GPER1: variants seen among roughly 807,000 people sequenced by gnomAD.
GPER1 encodes G protein-coupled estrogen receptor 1.
GPER1 carries 2 observed loss-of-function variants against 0.6 expected under a neutral mutation model. That is an observed-to-expected ratio of 3.41 (90% confidence interval 1.39 to 10.72). The LOEUF is 10.72. Ranked by LOEUF, GPER1 falls within the 30% of genes most tolerant of loss-of-function variation. The pLI, the probability that GPER1 is intolerant of heterozygous loss-of-function variation, is 0.04. For synonymous variants in GPER1, 263 were observed against 247.6 expected (o/e 1.06, Z -0.58); for missense variants, 441 against 535.2 (o/e 0.82, Z 1.74).
chr7:1,093,141 C>T lies in GPER1; in HGVS notation c.*285C>T, dbSNP rs565822980. 3.1e-5 allele frequency: 19 copies of T among 621,038 alleles called. No individual in the cohort carries two copies. Among genetic ancestry groups the T allele is most frequent in the South Asian group, 2.0e-4 (13 of 65,940 alleles). The allele number at this position is 621,038 out of a possible 1,614,324, so 38.5% of individuals were successfully genotyped here. A position where few individuals can be genotyped will look rare whatever the true frequency, so the allele number is the denominator to read the frequency against. Reference sequence around the variant, plus strand: ...ACCAGCCTGTCACCCAGCTCCTCCCCGCCAACCCTGCCTGCCGCTGCACCT... The same window carrying T: ...ACCAGCCTGTCACCCAGCTCCTCCCTGCCAACCCTGCCTGCCGCTGCACCT... On this transcript the variant is annotated 3_prime_UTR_variant, in exon 2 of 2. Coordinates refer to ENST00000397088, the MANE Select transcript of GPER1 (RefSeq NM_001098201.3).
chr7:1,087,259 T>C (rs1787477024), upstream of GPER1: 1 of 152,216 alleles, frequency 6.6e-6, no homozygotes, highest in African/African-American at 2.4e-5. Context: ...GTTCCGACGC[T>C]TCTGCAGCGA....
In GPER1 at chr7:1,091,533, T is replaced by G. The variant is rs779477770; in HGVS notation, c.-196T>G. The stretch of plus-strand genomic sequence containing the variant: ...ATGCACCATGCCGGTGTGAGGAGCA[T>G]CTGTTCTTCCCACTCTCTGCAGTTA... On this transcript the variant is annotated 5_prime_UTR_variant, in exon 2 of 2. Transcript: ENST00000397088. 3 of 567,438 alleles carry G rather than the reference T, an allele frequency of 5.3e-6. No homozygotes were observed. The highest frequency in any genetic ancestry group is 9.4e-6 in the Non-Finnish European group (3 of 319,164). The allele number at this position is 567,438 out of a possible 1,614,324, so 35.2% of individuals were successfully genotyped here.
Position 1,092,832 on chromosome 7 carries a change from T to A in GPER1, c.1104T>A (p.Asp368Glu), listed in dbSNP as rs147941530. ...TTCCAGACAGCACCGAGCAGTCGGA[T>A]GTGAGGTTCAGCAGTGCCGTGTAGA... ...AVIPDSTEQS[D>E]VRFSSAV The change falls in exon 2 of 2, where the codon GAT becomes GAA. Residue 368 changes from aspartate to glutamate, a missense_variant. Transcript: ENST00000397088. 3.0e-5 allele frequency: 49 copies of A among 1,612,934 alleles called. No homozygotes were observed. In the African/African-American group the frequency reaches 6.5e-4, roughly 22 times the overall value.
rs1788061497 is a variant in GPER1, at chr7:1,092,194, T to C, written c.466T>C (p.Tyr156His). 1 of 1,613,242 alleles carries C rather than the reference T, an allele frequency of 6.2e-7. No homozygotes were observed. The highest frequency in any genetic ancestry group is 2.2e-5 in the East Asian group (1 of 44,872). The change falls in exon 2 of 2, where the codon TAC (tyrosine) becomes CAC (histidine). Residue 156 changes from tyrosine to histidine, a missense_variant. Transcript: ENST00000397088. Reference protein sequence around the residue: ...FFLTWMSFDRYIALARAMRCS... With the variant: ...FFLTWMSFDRHIALARAMRCS... ...CCTCACCTGGATGAGCTTCGACCGC[T>C]ACATCGCCCTGGCCAGGGCCATGCG... is the stretch of plus-strand genomic sequence containing the variant.
At chr7:1,089,992 G>C (rs989403218) in intron 1 of GPER1, among the ~76,000 whole-genome samples, 2 of 151,574 alleles carry the variant, frequency 1.3e-5, no homozygotes, top group African/African-American at 4.9e-5. Context: ...GCTGAGGCAG[G>C]AGAACCACTC....
rs1367982104 is a variant in GPER1 at position 1,091,561 on chromosome 7, A to AAACCC, written c.-160_-156dup. 3 of 634,602 alleles carry AAACCC rather than the reference A, an allele frequency of 4.7e-6. No homozygotes were observed. The Admixed American group carries it at 8.8e-5, about 19-fold the overall frequency. 39.3% of individuals were successfully genotyped at this position (634,602 alleles called of 1,614,324 possible). A position where few individuals can be genotyped will look rare whatever the true frequency, so the allele number is the denominator to read the frequency against. On this transcript the variant is annotated 5_prime_UTR_variant, in exon 2 of 2. An upstream open reading frame in the 5' UTR loses its in-frame stop. Transcript: ENST00000397088. ...GTTCTTCCCACTCTCTGCAGTTAAC[A>AAACCC]AACCCAACCCAAACCACCACAGGTG...
At chr7:1,089,192 CAG>C (rs1787685783) in intron 1 of GPER1, among the ~76,000 whole-genome samples, 1 of 152,196 alleles carries the variant, frequency 6.6e-6, no homozygotes, top group Non-Finnish European at 1.5e-5. Context: ...ACCTTCCCGA[CAG>C]AGCCTGAGAG....
chr7:1,093,214 A>AC lies in GPER1; in HGVS notation c.*359dup, dbSNP rs1426130905. 1.0e-5 allele frequency: 5 copies of AC among 502,092 alleles called. No individual in the cohort carries two copies. The highest frequency in any genetic ancestry group is 2.0e-5 in the Non-Finnish European group (5 of 247,896). The allele number at this position is 502,092 out of a possible 1,614,324, so 31.1% of individuals were successfully genotyped here. A position where few individuals can be genotyped will look rare whatever the true frequency, so the allele number is the denominator to read the frequency against. ...TCTGACACCGTCGACCAGGAAAGCC[A>AC]CACGGAGAGGCCACTGTGGGTGAAG... On this transcript the variant is annotated 3_prime_UTR_variant, in exon 2 of 2. Coordinates refer to ENST00000397088, the MANE Select transcript of GPER1 (RefSeq NM_001098201.3).
In GPER1 at chr7:1,092,292, C is replaced by T; in HGVS notation, c.564C>T (p.Ala188=). 6.2e-7 allele frequency: 1 copy of T among 1,611,838 alleles called. No homozygotes were observed. The highest frequency in any genetic ancestry group is 1.3e-5 in the African/African-American group (1 of 75,060). ...TCATCTGGATGGCATCCGTGTCAGC[C>T]ACGCTGGTGCCCTTCACCGCCGTGC... ...CGLIWMASVS[A]TLVPFTAVHL... Residue 188 remains alanine, a synonymous_variant, in exon 2 of 2, where the codon GCC becomes GCT. Transcript: ENST00000397088.
Position 1,091,690 on chromosome 7 carries a change from G to C in GPER1, c.-39G>C. ...CACCATTTAAAACAGAGCTCTGGGA[G>C]CCTTTCGGCAAATCTTGAAAGCTGC... is the stretch of plus-strand genomic sequence containing the variant. On this transcript the variant is annotated 5_prime_UTR_variant, in exon 2 of 2. Coordinates refer to ENST00000397088, the MANE Select transcript of GPER1 (RefSeq NM_001098201.3). 1 of 1,413,396 alleles carries C rather than the reference G, an allele frequency of 7.1e-7. No individual in the cohort carries two copies. Among genetic ancestry groups the C allele is most frequent in the Non-Finnish European group, 9.6e-7 (1 of 1,040,868 alleles). 87.6% of individuals were successfully genotyped at this position (1,413,396 alleles called of 1,614,324 possible).
Position 1,093,076 on chromosome 7 carries a change from C to G in GPER1, c.*220C>G. ...ACTCCTCACACAGAATTGCTACAAT[C>G]CCAAAGCGCTCGCCCCGCAGGGTCC... On this transcript the variant is annotated 3_prime_UTR_variant, in exon 2 of 2. Transcript: ENST00000397088. 1.4e-6 allele frequency: 1 copy of G among 698,982 alleles called. No individual in the cohort carries two copies. The highest frequency in any genetic ancestry group is 1.5e-5 in the South Asian group (1 of 66,658). 43.3% of individuals were successfully genotyped at this position (698,982 alleles called of 1,614,324 possible).
In GPER1 at chr7:1,091,870, G is replaced by A. The variant is rs1173886464; in HGVS notation, c.142G>A (p.Glu48Lys). 5.0e-6 allele frequency: 8 copies of A among 1,613,500 alleles called. No homozygotes were observed. Among genetic ancestry groups the A allele is most frequent in the Non-Finnish European group, 5.9e-6 (7 of 1,179,660 alleles). The change falls in exon 2 of 2, where the codon GAG (glutamate) becomes AAG (lysine). Residue 48 changes from glutamate (E) to lysine (K), a missense_variant. Transcript: ENST00000397088. ...CACCGCCCTGGCCAATGGGACAGGT[G>A]AGCTCTCGGAGCACCAGCAGTACGT... ...LGTALANGTGELSEHQQYVIG... is the reference protein window; with the variant it reads ...LGTALANGTGKLSEHQQYVIG...
At position 1,093,391 on chromosome 7, in the gene GPER1, G is replaced by GT. The variant is rs1788230160; in HGVS notation, c.*535_*536insT. Reference sequence around the variant, plus strand: ...AGCTAGCGCACCGCCGAGTTAAAGAGGAGAAGGAAAACATGCTGCTCTGGT... The same window carrying GT: ...AGCTAGCGCACCGCCGAGTTAAAGAGTGAGAAGGAAAACATGCTGCTCTGGT... On this transcript the variant is annotated 3_prime_UTR_variant, in exon 2 of 2. Transcript: ENST00000397088. 1 of 447,646 alleles carries GT rather than the reference G, an allele frequency of 2.2e-6. No homozygotes were observed. The highest frequency in any genetic ancestry group is 2.0e-5 in the African/African-American group (1 of 49,532). 27.7% of individuals were successfully genotyped at this position (447,646 alleles called of 1,614,324 possible).
In GPER1 at chr7:1,091,600, G is replaced by C. The variant is rs1357141674; in HGVS notation, c.-129G>C. 3.8e-6 allele frequency: 3 copies of C among 785,328 alleles called. No individual in the cohort carries two copies. The highest frequency in any genetic ancestry group is 3.5e-5 in the African/African-American group (2 of 57,904). The allele number at this position is 785,328 out of a possible 1,614,324, so 48.6% of individuals were successfully genotyped here. A position where few individuals can be genotyped will look rare whatever the true frequency, so the allele number is the denominator to read the frequency against. Reference sequence around the variant, plus strand: ...CCACCACAGGTGCTCCTCCTGGGGAGTTTCCTGTCTGACAAATGCCAGGCT... The same window carrying C: ...CCACCACAGGTGCTCCTCCTGGGGACTTTCCTGTCTGACAAATGCCAGGCT... On this transcript the variant is annotated 5_prime_UTR_variant, in exon 2 of 2. Transcript: ENST00000397088.
intron 1 of GPER1, 98 bp from the exon 2 acceptor site, chr7:1,091,309 A>G (rs1583786176): frequency 6.0e-6 from 1 of 165,446 alleles, no homozygotes. Flanking sequence ...TGCTCCTGAC[A>G]CACCCAGACT....
At position 1,093,054 on chromosome 7, in the gene GPER1, C is replaced by T. The variant is rs1368328948; in HGVS notation, c.*198C>T. 3 of 711,378 alleles carry T rather than the reference C, an allele frequency of 4.2e-6. No homozygotes were observed. The Admixed American group carries it at 6.0e-5, about 14-fold the overall frequency. The allele number at this position is 711,378 out of a possible 1,614,324, so 44.1% of individuals were successfully genotyped here. A position where few individuals can be genotyped will look rare whatever the true frequency, so the allele number is the denominator to read the frequency against. On this transcript the variant is annotated 3_prime_UTR_variant, in exon 2 of 2. Coordinates refer to ENST00000397088, the MANE Select transcript of GPER1 (RefSeq NM_001098201.3). ...ACCTCACGACTGGTCACCTTGCACT[C>T]CTCACACAGAATTGCTACAATCCCA...
At position 1,092,303 on chromosome 7, in the gene GPER1, C is replaced by T; in HGVS notation, c.575C>T (p.Pro192Leu). 6.2e-7 allele frequency: 1 copy of T among 1,611,692 alleles called. No individual in the cohort carries two copies. Among genetic ancestry groups the T allele is most frequent in the East Asian group, 2.2e-5 (1 of 44,868 alleles). Reference sequence around the variant, plus strand: ...GCATCCGTGTCAGCCACGCTGGTGCCCTTCACCGCCGTGCACCTGCAGCAC... The same window carrying T: ...GCATCCGTGTCAGCCACGCTGGTGCTCTTCACCGCCGTGCACCTGCAGCAC... Reference protein sequence around the residue: ...WMASVSATLVPFTAVHLQHTD... With the variant: ...WMASVSATLVLFTAVHLQHTD... Residue 192 changes from proline (P) to leucine (L), a missense_variant, in exon 2 of 2, where the codon CCC becomes CTC. Coordinates refer to ENST00000397088, the MANE Select transcript of GPER1 (RefSeq NM_001098201.3).
chr7:1,089,863 A>G (rs1787776163), intron 1 of GPER1, among the ~76,000 whole-genome samples: 1 of 151,986 alleles, frequency 6.6e-6, no homozygotes, highest in Non-Finnish European at 1.5e-5. Flanking sequence ...CGGGCAGATC[A>G]CTACAGGTCA....
rs1172100515 is a variant in GPER1 at position 1,092,218 on chromosome 7, C to T, written c.490C>T (p.Arg164Cys). Residue 164 changes from arginine (R) to cysteine (C), a missense_variant, in exon 2 of 2, where the codon CGC (arginine) becomes TGC (cysteine). Physicochemically the swap from Arg to Cys is radical, Grantham distance 180. Coordinates refer to ENST00000397088, the MANE Select transcript of GPER1 (RefSeq NM_001098201.3). ...DRYIALARAM[R>C]CSLFRTKHHA... is the part of the protein sequence containing the mutation. Reference sequence around the variant, plus strand: ...CTACATCGCCCTGGCCAGGGCCATGCGCTGCAGCCTGTTCCGCACCAAGCA... The same window carrying T: ...CTACATCGCCCTGGCCAGGGCCATGTGCTGCAGCCTGTTCCGCACCAAGCA... The T allele has an allele frequency of 9.9e-6, 16 of 1,612,726 alleles. No homozygotes were observed. The highest frequency in any genetic ancestry group is 1.4e-5 in the Non-Finnish European group (16 of 1,180,042).
Sources: allele counts gnomAD v4.1 joint callset (sites outside exome capture counted in the v4.1 genomes callset), GRCh38; gene constraint gnomAD v4.1.1; transcripts MANE v1.5; gene names NCBI Gene and HGNC (gene_info 2026-07-23, HGNC 2026-07-21).